PRKDC: variants seen among roughly 807,000 people sequenced by gnomAD.
PRKDC encodes DNA-dependent protein kinase catalytic subunit.
A neutral mutation model predicts 486.9 loss-of-function variants in PRKDC; 82 were observed. The ratio of observed to expected loss-of-function variants is 0.17; its 90% CI spans 0.14 to 0.20. The LOEUF is 0.20. Ranked by LOEUF, PRKDC falls within the 10% of genes least tolerant of loss-of-function variation. The pLI, the probability that PRKDC is intolerant of heterozygous loss-of-function variation, is 1.00. For missense variants in PRKDC, 4,504 were observed against 5,038.2 expected, an observed-to-expected ratio of 0.89 and a Z score of 3.21; for synonymous variants, 1,895 against 1,837.0, an observed-to-expected ratio of 1.03 and a Z score of -0.81.
intron 77 of PRKDC, 158 bp from the exon 78 acceptor site, chr8:47,783,967 G>A (rs1174264505): frequency 1.4e-6 from 1 of 717,544 alleles, no homozygotes. Flanking sequence ...TAAAAAAAAT[G>A]TTATTTCTCG....
intron 56 of PRKDC, among the ~76,000 whole-genome samples, chr8:47,838,298 C>T (rs774350630): frequency 7.9e-5 from 12 of 152,086 alleles, no homozygotes; most frequent in Admixed American, 2.6e-4. Context: ...AAGTAATATA[C>T]AGAAACATAT....
rs76379865 is a variant in PRKDC at position 47,900,318 on chromosome 8, A to T, written c.3364+55T>A. ...AGAATCACACGAGCCTTAACTCCTC[A>T]TTGGGGAAACTCTTCAGACCTGTAA... On this transcript the variant is annotated intron_variant, in intron 28 of 85. Coordinates refer to ENST00000314191, the MANE Select transcript of PRKDC (RefSeq NM_006904.7). The T allele has an allele frequency of 5.4e-4, 720 of 1,321,150 alleles. 14 individuals are homozygous for T. The East Asian group carries it at 0.018, about 33-fold the overall frequency. 81.8% of individuals were successfully genotyped at this position (1,321,150 alleles called of 1,614,324 possible). A position where few individuals can be genotyped will look rare whatever the true frequency, so the allele number is the denominator to read the frequency against.
chr8:47,836,149 C>G (rs1212323382), intron 58 of PRKDC, among the ~76,000 whole-genome samples, 189 bp downstream of exon 58: 2 of 152,190 alleles, frequency 1.3e-5, no homozygotes, highest in Admixed American at 1.3e-4. Context: ...ACCTGGCACT[C>G]TACTTTCTGT....
At position 47,893,318 on chromosome 8, in the gene PRKDC, G is replaced by A. The variant is rs756873491; in HGVS notation, c.3668C>T (p.Thr1223Ile). The A allele has an allele frequency of 1.3e-6, 2 of 1,595,872 alleles. No individual in the cohort carries two copies. Among genetic ancestry groups the A allele is most frequent in the Non-Finnish European group, 1.7e-6 (2 of 1,166,894 alleles). The change falls in exon 31 of 86, where the codon ACC becomes ATC. Residue 1223 changes from threonine (T) to isoleucine (I), a missense_variant. Transcript: ENST00000314191. Reference sequence around the variant, plus strand: ...CTGGCCACAGCCACCCCCCTCAAAGGTGTTGATGAGAAAAGAGACACCTTC... The same window carrying A: ...CTGGCCACAGCCACCCCCCTCAAAGATGTTGATGAGAAAAGAGACACCTTC... ...KEEGVSFLIN[T>I]FEGGGCGQPS...
intron 20 of PRKDC, 89 bp downstream of exon 20, chr8:47,927,682 G>A: frequency 7.2e-7 from 1 of 1,382,916 alleles, no homozygotes; most frequent in Non-Finnish European, 9.5e-7. Context: ...ACGCCTGCTG[G>A]GACTGCCAGG....
chr8:47,780,967 T>TA (rs1335943857), intron 80 of PRKDC, among the ~76,000 whole-genome samples: 2 of 151,986 alleles, frequency 1.3e-5, no homozygotes, highest in Non-Finnish European at 2.9e-5. Context: ...CATGCTGAAT[T>TA]AAGAAAAAAA....
chr8:47,904,364 C>T (rs897502336), intron 26 of PRKDC, among the ~76,000 whole-genome samples: 1 of 152,210 alleles, frequency 6.6e-6, no homozygotes, highest in African/African-American at 2.4e-5. Context: ...AAGCAATTCT[C>T]ATGCCTAAGC....
intron 9 of PRKDC, 70 bp downstream of exon 9, chr8:47,943,783 A>T: frequency 7.6e-7 from 1 of 1,322,758 alleles, no homozygotes. Flanking sequence ...TCAAAGTTTA[A>T]GCAAAAGCTT....
At chr8:47,784,980 G>A (rs2086766747) in intron 77 of PRKDC, 133 bp downstream of exon 77, 4 of 869,122 alleles carry the variant, frequency 4.6e-6, no homozygotes, top group Non-Finnish European at 7.1e-6. Context: ...GAAAAATTCG[G>A]TGAATTTTAA....
intron 25 of PRKDC, among the ~76,000 whole-genome samples, chr8:47,910,458 C>T (rs1426975123): frequency 6.6e-6 from 1 of 152,204 alleles, no homozygotes; most frequent in Non-Finnish European, 1.5e-5. Context: ...CTACCATAGA[C>T]ACAATTTTCA....
At chr8:47,813,009 TAAAG>T (rs1471074823) in intron 68 of PRKDC, among the ~76,000 whole-genome samples, 5 of 151,300 alleles carry the variant, frequency 3.3e-5, no homozygotes, top group Non-Finnish European at 5.9e-5. Flanking sequence ...AAAAAACAAA[TAAAG>T]AAGGCAGAAA....
chr8:47,849,009 T>C, intron 54 of PRKDC, 145 bp downstream of exon 54: 2 of 1,071,320 alleles, frequency 1.9e-6, no homozygotes, highest in Non-Finnish European at 2.6e-6. Context: ...ATTCTTATGG[T>C]GCCTTCACCT....
rs1168125141 is a variant in PRKDC, at chr8:47,824,000, C to A, written c.8784-4G>T. On this transcript the variant is annotated splice_region_variant and splice_polypyrimidine_tract_variant and intron_variant, in intron 63 of 85. Transcript: ENST00000314191. ...TTCTCCAATTGATCTATACAGCCTA[C>A]AAAACAAATCAAAAAGGCCAAATCA... is the stretch of plus-strand genomic sequence containing the variant. 1.9e-6 allele frequency: 3 copies of A among 1,571,526 alleles called. No homozygotes were observed. Among genetic ancestry groups the A allele is most frequent in the African/African-American group, 2.7e-5 (2 of 73,588 alleles).
chr8:47,948,789 G>C (rs1037065655), intron 7 of PRKDC, among the ~76,000 whole-genome samples: 2 of 152,162 alleles, frequency 1.3e-5, no homozygotes, highest in African/African-American at 2.4e-5. Flanking sequence ...ATGTACCCAT[G>C]AATTAGTATT....
intron 40 of PRKDC, among the ~76,000 whole-genome samples, chr8:47,873,369 TCTACTA>T (rs1171733921): frequency 6.6e-6 from 1 of 151,916 alleles, no homozygotes; most frequent in East Asian, 1.9e-4. Context: ...AAAACCCATC[TCTACTA>T]AACATACAAA....
intron 21 of PRKDC, among the ~76,000 whole-genome samples, chr8:47,924,263 A>T (rs2090120533): frequency 6.6e-6 from 1 of 152,162 alleles, no homozygotes; most frequent in Admixed American, 6.5e-5. Flanking sequence ...CCATTAATGG[A>T]AAATGAGGTG....
At chr8:47,837,086 T>G (rs2088041688) in intron 57 of PRKDC, 126 bp downstream of exon 57, 9 of 1,089,038 alleles carry the variant, frequency 8.3e-6, no homozygotes, top group Non-Finnish European at 1.2e-5. Context: ...GCACGAGCCT[T>G]CCCTTTCCTT....
At position 47,782,115 on chromosome 8, in the gene PRKDC, T is replaced by A; in HGVS notation, c.11489+47A>T. 1 of 1,544,470 alleles carries A rather than the reference T, an allele frequency of 6.5e-7. No homozygotes were observed. Among genetic ancestry groups the A allele is most frequent in the Middle Eastern group, 1.8e-4 (1 of 5,562 alleles). On this transcript the variant is annotated intron_variant, in intron 80 of 85. Transcript: ENST00000314191. The surrounding 1 kb of genome is among the most constrained non-coding windows in gnomAD (Gnocchi z 4.9). The stretch of plus-strand genomic sequence containing the variant: ...CGGCCCCGACCTGCCACTGGAGAAG[T>A]GAGGGGAGGCGACTGCTGGGGGAGC...
rs192254139 is a variant in PRKDC, at chr8:47,827,805, C to T, written c.8577+363G>A. On this transcript the variant is annotated intron_variant, in intron 62 of 85. Transcript: ENST00000314191. ...CCCAGCCACCTAGAATAAAGCCAGG[C>T]GGGTACTCAGTCAACATCTTTTGAC... Among the ~76,000 whole-genome samples, 61 of 152,204 alleles carry T rather than the reference C, an allele frequency of 4.0e-4. 1 individual carries two copies. In the South Asian group the frequency reaches 0.012, roughly 30 times the overall value.
Sources: allele counts gnomAD v4.1 joint callset (sites outside exome capture counted in the v4.1 genomes callset), GRCh38; gene constraint gnomAD v4.1.1; non-coding constraint Gnocchi (gnomAD v3.1); transcripts MANE v1.5; gene names NCBI Gene and HGNC (gene_info 2026-07-23, HGNC 2026-07-21).